Variants in KDM2B observed in about 807,000 individuals in gnomAD.
The protein encoded by KDM2B is lysine demethylase 2B.
A neutral mutation model predicts 150.0 loss-of-function variants in KDM2B; 26 were observed. That is an observed-to-expected ratio of 0.17 (90% CI 0.13 to 0.24). The LOEUF (loss-of-function observed/expected upper bound fraction) is 0.24. Among genes scored for constraint, KDM2B ranks in the 10% least tolerant of loss-of-function variants. The pLI is 1.00. For synonymous variants in KDM2B, 734 were observed against 729.5 expected, an observed-to-expected ratio of 1.01 and a Z score of -0.10; for missense variants, 1,265 against 1,816.9, an observed-to-expected ratio of 0.70 and a Z score of 5.52.
chr12:121,560,578 T>C (rs1890262696), intron 4 of KDM2B, among the ~76,000 whole-genome samples: 4 of 151,696 alleles, frequency 2.6e-5, no homozygotes, highest in Non-Finnish European at 5.9e-5. Flanking sequence ...GGCGAGGCAC[T>C]GAGTTTCAGT....
Position 121,521,306 on chromosome 12 carries a change from G to C in KDM2B, c.932-206C>G, listed in dbSNP as rs1256297334. Among the ~76,000 whole-genome samples, 3 of 152,086 alleles carry C rather than the reference G, an allele frequency of 2.0e-5. No individual in the cohort carries two copies. The highest frequency in any genetic ancestry group is 6.5e-5 in the Admixed American group (1 of 15,272). On this transcript the variant is annotated intron_variant, in intron 8 of 22. Transcript: ENST00000377071. The surrounding 1 kb of genome is among the most constrained non-coding windows in gnomAD (Gnocchi z 4.9). Reference sequence around the variant, plus strand: ...CGAGAGGACTCAGACTTGCAGCCTCGAGCAGCCACTGTCTGGCTCAAGTCA... The same window carrying C: ...CGAGAGGACTCAGACTTGCAGCCTCCAGCAGCCACTGTCTGGCTCAAGTCA...
intron 1 of KDM2B, chr12:121,579,777 C>T: frequency 2.2e-6 from 3 of 1,343,002 alleles, no homozygotes; most frequent in Non-Finnish European, 3.0e-6. Flanking sequence ...CCCCCCTCCA[C>T]GCCTTTCCCC....
At position 121,467,085 on chromosome 12, in the gene KDM2B, C is replaced by T; in HGVS notation, c.1735-13741G>A. 2.1e-6 allele frequency: 2 copies of T among 936,164 alleles called. No individual in the cohort carries two copies. The highest frequency in any genetic ancestry group is 2.7e-6 in the Non-Finnish European group (2 of 748,682). 58.0% of individuals were successfully genotyped at this position (936,164 alleles called of 1,614,324 possible). Reference sequence around the variant, plus strand: ...CGGCGGCGGCGGCGTCGCGGCCGCCCTCGGCGCGTCAGACAGGCGGTCGGG... The same window carrying T: ...CGGCGGCGGCGGCGTCGCGGCCGCCTTCGGCGCGTCAGACAGGCGGTCGGG... On this transcript the variant is annotated intron_variant, in intron 12 of 22. Coordinates refer to ENST00000377071, the MANE Select transcript of KDM2B (RefSeq NM_032590.5). The surrounding 1 kb of genome is among the most constrained non-coding windows in gnomAD (Gnocchi z 5.1).
At chr12:121,479,926 C>T (rs192450869) in intron 12 of KDM2B, among the ~76,000 whole-genome samples, 3 of 152,116 alleles carry the variant, frequency 2.0e-5, no homozygotes, top group African/African-American at 7.2e-5. Flanking sequence ...CCAGCTCTCT[C>T]GCTTTTAAAG....
rs1459196065 is a variant in KDM2B, at chr12:121,516,858, T to A, written c.1048-3456A>T. ...GGGTGGAAGTGTCCTACAATTTGTTTTTCTCCTGGAAAAAAAAAAAAAAAA... is the reference window on the plus strand; with the variant it reads ...GGGTGGAAGTGTCCTACAATTTGTTATTCTCCTGGAAAAAAAAAAAAAAAA... On this transcript the variant is annotated intron_variant, in intron 9 of 22. Transcript: ENST00000377071. 9.4e-6 allele frequency: 6 copies of A among 634,936 alleles called. No individual in the cohort carries two copies. The East Asian group carries it at 1.7e-4, about 18-fold the overall frequency. The allele number at this position is 634,936 out of a possible 1,614,324, so 39.3% of individuals were successfully genotyped here. A position where few individuals can be genotyped will look rare whatever the true frequency, so the allele number is the denominator to read the frequency against.
chr12:121,532,736 A>AG, intron 8 of KDM2B, 70 bp downstream of exon 8: 1 of 1,524,812 alleles, frequency 6.6e-7, no homozygotes, highest in Non-Finnish European at 9.0e-7. Context: ...AGCAACCCTC[A>AG]GGGGGCCTAA....
chr12:121,411,912 C>T, the KDM2B span, among the ~76,000 whole-genome samples: 2 of 152,122 alleles, frequency 1.3e-5, no homozygotes, highest in Admixed American at 6.6e-5. Context: ...GAAGTTTATC[C>T]TGGGAGTACT....
At chr12:121,492,820 A>G (rs1174062820) in intron 12 of KDM2B, among the ~76,000 whole-genome samples, 1 of 146,658 alleles carries the variant, frequency 6.8e-6, no homozygotes, top group African/African-American at 2.6e-5. Flanking sequence ...CAAGAGCAAA[A>G]CTCCGTCTCA....
intron 9 of KDM2B, among the ~76,000 whole-genome samples, chr12:121,515,414 A>C (rs1339021239): frequency 2.0e-3 from 3 of 1,506 alleles, no homozygotes; most frequent in Non-Finnish European, 4.3e-3. Context: ...CACACTCCCC[A>C]CCCCCCTGAT....
chr12:121,474,987 A>G (rs1881189570), intron 12 of KDM2B, among the ~76,000 whole-genome samples: 1 of 152,096 alleles, frequency 6.6e-6, no homozygotes, highest in Admixed American at 6.6e-5. Context: ...TACCTACCAT[A>G]GTGTTACAGT....
chr12:121,516,698 C>A (rs1484181729), intron 9 of KDM2B: 7 of 627,166 alleles, frequency 1.1e-5, no homozygotes, highest in Non-Finnish European at 2.0e-5. Flanking sequence ...CTCAGCGGCA[C>A]CTGGCCTCAG....
intron 11 of KDM2B, among the ~76,000 whole-genome samples, chr12:121,500,024 A>G (rs912409697): frequency 6.6e-6 from 1 of 151,934 alleles, no homozygotes; most frequent in Non-Finnish European, 1.5e-5. Context: ...AGGATCTCAC[A>G]CTCATACCTC....
intron 9 of KDM2B, chr12:121,516,888 A>T: frequency 1.5e-6 from 1 of 665,070 alleles, no homozygotes; most frequent in South Asian, 1.7e-5. Flanking sequence ...AAAAAAATCA[A>T]TGGAAAAAAA....
At chr12:121,501,399 A>G (rs1362032601) in intron 11 of KDM2B, among the ~76,000 whole-genome samples, 1 of 152,118 alleles carries the variant, frequency 6.6e-6, no homozygotes, top group Non-Finnish European at 1.5e-5. Flanking sequence ...AATAAATAAA[A>G]TAAATACAAA....
At position 121,574,188 on chromosome 12, in the gene KDM2B, G is replaced by T. The variant is rs376755480; in HGVS notation, c.397+359C>A. The stretch of plus-strand genomic sequence containing the variant: ...AAGGAAGCAGGAGGAACAGCCCCTC[G>T]CCTCGAAAGCCTTAAAGTCTATGAG... On this transcript the variant is annotated intron_variant, in intron 4 of 22. Transcript: ENST00000377071. 3.4e-4 allele frequency among the ~76,000 whole-genome samples: 51 copies of T among 152,152 alleles called. No individual in the cohort carries two copies. The East Asian group carries it at 7.5e-3, about 22-fold the overall frequency.
intron 4 of KDM2B, among the ~76,000 whole-genome samples, chr12:121,554,676 G>T (rs1372626036): frequency 3.3e-5 from 5 of 152,122 alleles, no homozygotes; most frequent in African/African-American, 1.2e-4. Flanking sequence ...CTCCCAAAGT[G>T]CTGGGATTAC....
rs545272008 is a variant in KDM2B at position 121,539,352 on chromosome 12, A to G, written c.684-4762T>C. 2.2e-3 allele frequency among the ~76,000 whole-genome samples: 331 copies of G among 148,160 alleles called. 4 individuals are homozygous for G. Among genetic ancestry groups the G allele is most frequent in the African/African-American group, 5.9e-3 (238 of 40,560 alleles). On this transcript the variant is annotated intron_variant, in intron 6 of 22. Transcript: ENST00000377071. ...AAAAAAAAAAAAAAAAAAAAAAAAA[A>G]AAAGAAAGAAAAGGATGTGGCATTA...
chr12:121,425,691 C>T (rs1872479350), downstream of KDM2B, among the ~76,000 whole-genome samples: 1 of 152,052 alleles, frequency 6.6e-6, no homozygotes, highest in African/African-American at 2.4e-5. Flanking sequence ...TAGTAACTGG[C>T]TTGAGCAGGT....
chr12:121,494,505 C>G (rs782351696), intron 12 of KDM2B, 74 bp downstream of exon 12: 6 of 1,137,172 alleles, frequency 5.3e-6, no homozygotes, highest in Non-Finnish European at 7.8e-6. Context: ...CCCAAAAAGT[C>G]GCGGCTGTTC....
Sources: gnomAD v4.1 joint callset for allele counts (sites outside exome capture counted in the v4.1 genomes callset) on GRCh38, gnomAD v4.1.1 for gene constraint, Gnocchi (gnomAD v3.1) non-coding constraint, MANE v1.5 for transcripts, NCBI Gene and HGNC (gene_info 2026-07-23, HGNC 2026-07-21) for gene names.